Variants in LARS2 observed in about 807,000 individuals in gnomAD.
LARS2 encodes leucyl-tRNA synthetase 2, mitochondrial, also known as leucine--tRNA ligase, mitochondrial.
LARS2 carries 81 observed loss-of-function variants against 116.6 expected under a neutral mutation model. The observed-to-expected ratio is 0.69, with a 90% CI of 0.58 to 0.84. The LOEUF (loss-of-function observed/expected upper bound fraction) is 0.84. Ranked by LOEUF, LARS2 falls within the 40% of genes least tolerant of loss-of-function variation. The pLI, the probability that LARS2 is intolerant of heterozygous loss-of-function variation, is 0.00. For missense variants in LARS2, 968 were observed against 1,114.5 expected (o/e 0.87, Z 1.87); for synonymous variants, 396 against 407.2 (o/e 0.97, Z 0.33).
intron 3 of LARS2, among the ~76,000 whole-genome samples, chr3:45,398,305 T>C (rs1043481993): frequency 2.0e-5 from 3 of 152,242 alleles, no homozygotes; most frequent in Non-Finnish European, 4.4e-5. Flanking sequence ...ATCTGATTTC[T>C]GGTTTCTTCT....
At chr3:45,395,884 A>G (rs1196663703) in intron 3 of LARS2, among the ~76,000 whole-genome samples, 2 of 152,236 alleles carry the variant, frequency 1.3e-5, no homozygotes, top group Non-Finnish European at 2.9e-5. Context: ...TTTGAATGTA[A>G]TACATAATTT....
At chr3:45,447,568 T>C (rs1699043864) in intron 7 of LARS2, among the ~76,000 whole-genome samples, 1 of 152,210 alleles carries the variant, frequency 6.6e-6, no homozygotes, top group Non-Finnish European at 1.5e-5. Flanking sequence ...TCACTTGCTG[T>C]TCTACTTACT....
At chr3:45,494,799 G>A (rs1699981430) in intron 13 of LARS2, among the ~76,000 whole-genome samples, 1 of 152,228 alleles carries the variant, frequency 6.6e-6, no homozygotes, top group African/African-American at 2.4e-5. Flanking sequence ...TGGGCATGAT[G>A]GCTCATGCCT....
chr3:45,453,983 G>C (rs550196927), intron 7 of LARS2, among the ~76,000 whole-genome samples: 3 of 152,128 alleles, frequency 2.0e-5, no homozygotes, highest in African/African-American at 7.2e-5. Context: ...CTGATGGTGG[G>C]TGTGATCTAG....
chr3:45,541,861 C>A lies in LARS2; in HGVS notation c.2437C>A (p.His813Asn). ...GCTGGTGCCGAGGAAGCTCTGTGCCCACTACACTTGGGATGCCAGTGTGCT... is the reference window on the plus strand; with the variant it reads ...GCTGGTGCCGAGGAAGCTCTGTGCCAACTACACTTGGGATGCCAGTGTGCT... ...LALVPRKLCA[H>N]YTWDASVLLQ... is the part of the protein sequence containing the mutation. Residue 813 changes from histidine to asparagine, a missense_variant, in exon 21 of 22, where the codon CAC (histidine) becomes AAC (asparagine). Transcript: ENST00000645846. 1 of 1,614,206 alleles carries A rather than the reference C, an allele frequency of 6.2e-7. No homozygotes were observed. The highest frequency in any genetic ancestry group is 2.2e-5 in the East Asian group (1 of 44,880).
intron 3 of LARS2, among the ~76,000 whole-genome samples, chr3:45,398,482 A>G (rs1355862071): frequency 6.6e-6 from 1 of 152,254 alleles, no homozygotes; most frequent in South Asian, 2.1e-4. Context: ...AAAGAACTGG[A>G]GTAAAGTTCT....
At chr3:45,453,674 T>G (rs949530353) in intron 7 of LARS2, among the ~76,000 whole-genome samples, 3 of 152,180 alleles carry the variant, frequency 2.0e-5, no homozygotes, top group Non-Finnish European at 2.9e-5. Flanking sequence ...CTTGATGGAA[T>G]GGAGCAAGAT....
chr3:45,518,360 C>T (rs1311496092), intron 18 of LARS2, among the ~76,000 whole-genome samples: 1 of 152,152 alleles, frequency 6.6e-6, no homozygotes, highest in African/African-American at 2.4e-5. Flanking sequence ...CTGCCACTTT[C>T]CATGTTTCCA....
intron 4 of LARS2, 27 bp downstream of exon 4, chr3:45,400,400 C>T (rs750392679): frequency 2.5e-6 from 4 of 1,572,552 alleles, no homozygotes; most frequent in Non-Finnish European, 3.5e-6. Context: ...GCTGGAGCAG[C>T]CCTTGTCTGC....
chr3:45,474,382 T>C, intron 9 of LARS2, 32 bp downstream of exon 9: 8 of 1,407,340 alleles, frequency 5.7e-6, no homozygotes, highest in African/African-American at 4.2e-5. Flanking sequence ...CAGCAATTCA[T>C]GATCACAAAT....
chr3:45,417,437 T>G (rs772507655), intron 4 of LARS2, 45 bp from the exon 5 acceptor site: 3 of 1,372,986 alleles, frequency 2.2e-6, no homozygotes, highest in Non-Finnish European at 3.1e-6. Flanking sequence ...ACCAATGGAG[T>G]TATTAATGAT....
chr3:45,395,641 A>G (rs1024777874), intron 3 of LARS2, among the ~76,000 whole-genome samples: 13 of 152,270 alleles, frequency 8.5e-5, no homozygotes, highest in Non-Finnish European at 1.6e-4. Context: ...AAGCAGCTGA[A>G]TAAGTACAGC....
intron 6 of LARS2, among the ~76,000 whole-genome samples, chr3:45,429,089 A>C: frequency 6.6e-6 from 1 of 151,900 alleles, no homozygotes; most frequent in South Asian, 2.1e-4. Flanking sequence ...TGTCTTTTAT[A>C]GTTGTTTTTA....
At chr3:45,407,292 G>A (rs557754592) in intron 4 of LARS2, among the ~76,000 whole-genome samples, 1 of 152,348 alleles carries the variant, frequency 6.6e-6, no homozygotes, top group African/African-American at 2.4e-5. Context: ...TTTATGAAGT[G>A]CCCGGAGAGT....
intron 7 of LARS2, among the ~76,000 whole-genome samples, chr3:45,452,718 A>G (rs1392115534): frequency 1.3e-5 from 2 of 152,140 alleles, no homozygotes; most frequent in Non-Finnish European, 2.9e-5. Context: ...ATTTGGAAGA[A>G]TTCCCTCTTT....
At chr3:45,412,249 T>C (rs960614115) in intron 4 of LARS2, among the ~76,000 whole-genome samples, 1 of 152,102 alleles carries the variant, frequency 6.6e-6, no homozygotes, top group Non-Finnish European at 1.5e-5. Context: ...TGTTGTCAGC[T>C]TTTTGAAGAA....
intron 4 of LARS2, among the ~76,000 whole-genome samples, chr3:45,416,030 TG>T (rs1416070899): frequency 6.6e-6 from 1 of 151,970 alleles, no homozygotes; most frequent in Non-Finnish European, 1.5e-5. Context: ...GCTGTGTTCC[TG>T]TGTATTTTTC....
chr3:45,417,670 A>G (rs1698452430), intron 5 of LARS2, 97 bp downstream of exon 5: 1 of 729,526 alleles, frequency 1.4e-6, no homozygotes, highest in East Asian at 2.7e-5. Flanking sequence ...AGCAAACAAA[A>G]CACTGCAGCG....
chr3:45,482,292 G>T (rs1053986599), intron 10 of LARS2, among the ~76,000 whole-genome samples: 14 of 152,104 alleles, frequency 9.2e-5, no homozygotes, highest in African/African-American at 3.4e-4. Context: ...CATGTTTGGG[G>T]CTATTATGGA....
Sources: gnomAD v4.1 joint callset for allele counts (sites outside exome capture counted in the v4.1 genomes callset) on GRCh38, gnomAD v4.1.1 for gene constraint, MANE v1.5 for transcripts, NCBI Gene and HGNC (gene_info 2026-07-23, HGNC 2026-07-21) for gene names.